ARL15: variants seen among roughly 807,000 people sequenced by gnomAD.
ARL15 encodes the protein ADP-ribosylation factor-like protein 15.
ARL15 carries 19 observed loss-of-function variants against 25.2 expected under a neutral mutation model. That is an observed-to-expected ratio of 0.75 (90% CI 0.53 to 1.10). The LOEUF (loss-of-function observed/expected upper bound fraction) is 1.10, where lower values mean the gene tolerates loss of function less well. Among genes scored for constraint, ARL15 ranks in the 50% least tolerant of loss-of-function variants. The probability of loss-of-function intolerance (pLI) is 0.00; values close to 1 mark genes in which losing one functional copy is unlikely to be tolerated. For synonymous variants in ARL15, 94 were observed against 86.8 expected, an observed-to-expected ratio of 1.08 and a Z score of -0.46; for missense variants, 220 against 246.0, an observed-to-expected ratio of 0.89 and a Z score of 0.71.
intron 4 of ARL15, among the ~76,000 whole-genome samples, chr5:53,958,483 A>C (rs1327304718): frequency 6.6e-6 from 1 of 152,220 alleles, no homozygotes; most frequent in Non-Finnish European, 1.5e-5. Flanking sequence ...TCAACTAAAC[A>C]CAAAAGAAGG....
intron 4 of ARL15, among the ~76,000 whole-genome samples, chr5:54,101,133 A>T (rs550300071): frequency 6.6e-6 from 1 of 152,254 alleles, no homozygotes; most frequent in African/African-American, 2.4e-5. Flanking sequence ...TTGTAAACAA[A>T]ATGAGTGAGA....
chr5:54,112,236 T>C (rs1752763429), intron 4 of ARL15, among the ~76,000 whole-genome samples: 1 of 152,206 alleles, frequency 6.6e-6, no homozygotes, highest in Non-Finnish European at 1.5e-5. Context: ...TAACTTATCA[T>C]AATAAATTGG....
At chr5:53,986,564 G>C (rs1047206887) in intron 4 of ARL15, among the ~76,000 whole-genome samples, 1 of 152,186 alleles carries the variant, frequency 6.6e-6, no homozygotes, top group Admixed American at 6.5e-5. Flanking sequence ...ACTCCAGAGG[G>C]TTCCAATGCA....
At chr5:54,061,178 G>A (rs1751051141) in intron 4 of ARL15, among the ~76,000 whole-genome samples, 1 of 152,210 alleles carries the variant, frequency 6.6e-6, no homozygotes, top group South Asian at 2.1e-4. Context: ...TAGGGACTTG[G>A]TGCCCTGTGT....
intron 4 of ARL15, among the ~76,000 whole-genome samples, chr5:53,888,885 T>C (rs1017227597): frequency 3.3e-5 from 5 of 152,120 alleles, no homozygotes; most frequent in African/African-American, 4.8e-5. Context: ...GTCTTGTTGC[T>C]TCTGCCACAA....
chr5:53,933,642 CAAA>C (rs34912827), intron 4 of ARL15, among the ~76,000 whole-genome samples: 4 of 76,020 alleles, frequency 5.3e-5, no homozygotes, highest in African/African-American at 1.0e-4. Context: ...GAGACTGTCT[CAAA>C]AAAAAAAAAA....
At chr5:54,266,615 A>G (rs1757633445) in intron 1 of ARL15, among the ~76,000 whole-genome samples, 1 of 152,240 alleles carries the variant, frequency 6.6e-6, no homozygotes, top group South Asian at 2.1e-4. Context: ...TGGGGCTGAA[A>G]ACCAAATAAT....
At chr5:54,142,236 T>C (rs1753799471) in intron 3 of ARL15, among the ~76,000 whole-genome samples, 1 of 152,186 alleles carries the variant, frequency 6.6e-6, no homozygotes, top group South Asian at 2.1e-4. Flanking sequence ...TTCTGTAGGC[T>C]CCATTTTTTT....
chr5:53,951,481 A>C (rs1472801292), intron 4 of ARL15: 24 of 470,186 alleles, frequency 5.1e-5, no homozygotes, highest in Admixed American at 4.8e-4. Flanking sequence ...TCAAACAGAT[A>C]TTTTGTGGAC....
At chr5:53,889,180 C>T (rs1744636543) in intron 4 of ARL15, among the ~76,000 whole-genome samples, 1 of 151,858 alleles carries the variant, frequency 6.6e-6, no homozygotes, top group African/African-American at 2.4e-5. Flanking sequence ...ACAATACTTC[C>T]TCTGGGTGGT....
intron 4 of ARL15, among the ~76,000 whole-genome samples, chr5:53,913,206 G>A (rs547495269): frequency 6.6e-6 from 1 of 152,332 alleles, no homozygotes; most frequent in South Asian, 2.1e-4. Context: ...GGGAGGCTGA[G>A]GTGGGAGGAT....
intron 3 of ARL15, among the ~76,000 whole-genome samples, chr5:54,115,605 A>G (rs1426766647): frequency 2.0e-5 from 3 of 152,196 alleles, no homozygotes; most frequent in African/African-American, 7.2e-5. Flanking sequence ...TAAGCCTTTG[A>G]AACTAATTTT....
chr5:54,045,597 G>GA (rs113825025), intron 4 of ARL15, among the ~76,000 whole-genome samples: 42,922 of 145,442 alleles, frequency 0.3, 6,894 homozygotes, highest in East Asian at 0.46. Flanking sequence ...AATCAAGAAG[G>GA]AAAAAAAAAA....
chr5:54,301,527 C>G (rs1249201057), intron 1 of ARL15, among the ~76,000 whole-genome samples: 1 of 152,114 alleles, frequency 6.6e-6, no homozygotes, highest in African/African-American at 2.4e-5. Context: ...GCAAAATGTT[C>G]AATCAGGAAG....
intron 4 of ARL15, among the ~76,000 whole-genome samples, chr5:54,103,505 T>C (rs1752503459): frequency 6.6e-6 from 1 of 151,988 alleles, no homozygotes; most frequent in South Asian, 2.1e-4. Context: ...TAAAGAGATA[T>C]TATTAAAGAA....
At chr5:53,897,796 G>A (rs1234771410) in intron 4 of ARL15, among the ~76,000 whole-genome samples, 5 of 152,010 alleles carry the variant, frequency 3.3e-5, no homozygotes, top group Non-Finnish European at 7.4e-5. Context: ...ATATGTTGCT[G>A]GATTAATTTG....
At chr5:54,059,153 T>C (rs1750983416) in intron 4 of ARL15, among the ~76,000 whole-genome samples, 1 of 152,188 alleles carries the variant, frequency 6.6e-6, no homozygotes, top group Non-Finnish European at 1.5e-5. Flanking sequence ...GCTTTTTTTC[T>C]TCTATAGACT....
At chr5:53,941,293 T>C (rs1465646069) in intron 4 of ARL15, among the ~76,000 whole-genome samples, 1 of 152,180 alleles carries the variant, frequency 6.6e-6, no homozygotes, top group Non-Finnish European at 1.5e-5. Context: ...AAAAGGATTA[T>C]GTATACAGAA....
chr5:54,072,932 T>C (rs906934065), intron 4 of ARL15, among the ~76,000 whole-genome samples: 7 of 152,296 alleles, frequency 4.6e-5, no homozygotes, highest in Admixed American at 4.6e-4. Flanking sequence ...TTTTCCCCCT[T>C]GAAATACATA....
Sources: allele counts gnomAD v4.1 joint callset (sites outside exome capture counted in the v4.1 genomes callset), GRCh38; gene constraint gnomAD v4.1.1; transcripts MANE v1.5; gene names NCBI Gene and HGNC (gene_info 2026-07-23, HGNC 2026-07-21).